The following CMTM8 variants were observed in gnomAD, a reference collection of about 807,000 sequenced individuals.
CMTM8 encodes CKLF like MARVEL transmembrane domain containing 8.
Under a neutral mutation model 18.6 loss-of-function variants are expected in CMTM8, and 12 were observed. The observed-to-expected ratio is 0.65, with a 90% CI of 0.41 to 1.05. CMTM8 has a LOEUF of 1.05. Among genes scored for constraint, CMTM8 ranks in the 50% least tolerant of loss-of-function variants. The probability of loss-of-function intolerance (pLI) is 0.00; values close to 1 mark genes in which losing one functional copy is unlikely to be tolerated. For missense variants in CMTM8, 217 were observed against 227.2 expected, an observed-to-expected ratio of 0.95 and a Z score of 0.29; for synonymous variants, 87 against 90.6, an observed-to-expected ratio of 0.96 and a Z score of 0.23.
chr3:32,298,438 C>CT (rs75095552), intron 1 of CMTM8, among the ~76,000 whole-genome samples: 6,530 of 139,026 alleles, frequency 0.047, 191 homozygotes, highest in African/African-American at 0.066. Flanking sequence ...ACATACCCCC[C>CT]TTTTTTTTTT....
At chr3:32,359,757 A>T (rs939477064) in intron 2 of CMTM8, among the ~76,000 whole-genome samples, 9 of 152,182 alleles carry the variant, frequency 5.9e-5, no homozygotes, top group Admixed American at 5.2e-4. Context: ...TTGGACTTTT[A>T]AAAAGAATAT....
intron 1 of CMTM8, among the ~76,000 whole-genome samples, chr3:32,247,336 G>A (rs1261926424): frequency 6.6e-6 from 1 of 151,940 alleles, no homozygotes; most frequent in Non-Finnish European, 1.5e-5. Context: ...CCCCTGAGAT[G>A]GAGTCTCACT....
intron 1 of CMTM8, among the ~76,000 whole-genome samples, chr3:32,290,270 A>G (rs1702757312): frequency 6.6e-6 from 1 of 152,210 alleles, no homozygotes; most frequent in South Asian, 2.1e-4. Context: ...CAAACAATAA[A>G]CAGTTTGCAA....
At chr3:32,261,366 G>A (rs569077190) in intron 1 of CMTM8, among the ~76,000 whole-genome samples, 170 of 152,088 alleles carry the variant, frequency 1.1e-3, no homozygotes, top group Non-Finnish European at 1.8e-3. Context: ...TCAATTATAG[G>A]AATTAAGACA....
At chr3:32,319,035 T>C (rs1695983373) in intron 1 of CMTM8, among the ~76,000 whole-genome samples, 2 of 134,988 alleles carry the variant, frequency 1.5e-5, no homozygotes, top group Admixed American at 7.9e-5. Context: ...AAATATTAAA[T>C]TTATATATAT....
chr3:32,367,467 G>A (rs943967197), intron 2 of CMTM8, among the ~76,000 whole-genome samples: 1 of 152,124 alleles, frequency 6.6e-6, no homozygotes, highest in Non-Finnish European at 1.5e-5. Context: ...GCGCCTCTAC[G>A]TCAGGGACAC....
intron 2 of CMTM8, among the ~76,000 whole-genome samples, chr3:32,366,146 G>A (rs1697028382): frequency 6.6e-6 from 1 of 152,190 alleles, no homozygotes; most frequent in Non-Finnish European, 1.5e-5. Flanking sequence ...TAGTGCCTGA[G>A]AGAGGCTTGT....
chr3:32,276,677 C>T (rs1306509705), intron 1 of CMTM8, among the ~76,000 whole-genome samples: 1 of 152,104 alleles, frequency 6.6e-6, no homozygotes, highest in Admixed American at 6.5e-5. Context: ...TTTCTTGTAA[C>T]CCGTGTCGTC....
intron 1 of CMTM8, among the ~76,000 whole-genome samples, chr3:32,257,439 C>T (rs1002753957): frequency 6.6e-6 from 1 of 152,184 alleles, no homozygotes; most frequent in Admixed American, 6.5e-5. Context: ...AGAGATTAAA[C>T]TGTCTTCAAT....
intron 1 of CMTM8, among the ~76,000 whole-genome samples, chr3:32,263,933 A>G (rs949845398): frequency 8.5e-5 from 13 of 152,248 alleles, no homozygotes; most frequent in African/African-American, 3.1e-4. Context: ...AAAGCCTCCA[A>G]GAAATATGGG....
intron 1 of CMTM8, among the ~76,000 whole-genome samples, chr3:32,305,189 G>A (rs1006200409): frequency 6.6e-6 from 1 of 150,882 alleles, no homozygotes; most frequent in Non-Finnish European, 1.5e-5. Context: ...CTCAGTCAGG[G>A]TGCAGTTTTT....
At chr3:32,244,630 A>C (rs77099800) in intron 1 of CMTM8, among the ~76,000 whole-genome samples, 1 of 152,154 alleles carries the variant, frequency 6.6e-6, no homozygotes, top group Non-Finnish European at 1.5e-5. Context: ...TATGCCGTGA[A>C]CATTTTTCAG....
chr3:32,294,307 G>C (rs1186841033), intron 1 of CMTM8, among the ~76,000 whole-genome samples: 1 of 151,954 alleles, frequency 6.6e-6, no homozygotes, highest in African/African-American at 2.4e-5. Context: ...TGTCAGGAAT[G>C]CTCTTCCATT....
chr3:32,307,505 G>A (rs542194373), intron 1 of CMTM8, among the ~76,000 whole-genome samples: 1 of 152,262 alleles, frequency 6.6e-6, no homozygotes, highest in African/African-American at 2.4e-5. Flanking sequence ...TCGGGGAGAT[G>A]ATAAGTAAGT....
At chr3:32,367,794 A>G (rs1697067137) in intron 2 of CMTM8, 78 bp from the exon 3 acceptor site, 2 of 940,526 alleles carry the variant, frequency 2.1e-6, no homozygotes, top group East Asian at 4.8e-5. Context: ...CCAGAGGTAC[A>G]GCCCTCATCA....
At chr3:32,257,800 G>C (rs1273876710) in intron 1 of CMTM8, among the ~76,000 whole-genome samples, 1 of 152,094 alleles carries the variant, frequency 6.6e-6, no homozygotes. Context: ...TAGTAGATGA[G>C]ATGACTGGAG....
intron 1 of CMTM8, 34 bp downstream of exon 1, chr3:32,239,153 T>G (rs376423345): frequency 6.4e-7 from 1 of 1,566,420 alleles, no homozygotes; most frequent in Non-Finnish European, 8.6e-7. Context: ...GGCGGGGGGC[T>G]CAGCTGGACC....
intron 1 of CMTM8, among the ~76,000 whole-genome samples, chr3:32,279,169 TTTTTTTTTTAA>T (rs1248708314): frequency 3.4e-5 from 4 of 119,178 alleles, no homozygotes. Context: ...AATTAGTGAT[TTTTTTTTTTAA>T]TTTTTTTTTT....
At chr3:32,322,633 G>A (rs1315239047) in intron 1 of CMTM8, among the ~76,000 whole-genome samples, 2 of 152,138 alleles carry the variant, frequency 1.3e-5, no homozygotes, top group Non-Finnish European at 2.9e-5. Flanking sequence ...TTCACTTACT[G>A]TGATATCCTC....
Sources: allele counts gnomAD v4.1 joint callset (sites outside exome capture counted in the v4.1 genomes callset), GRCh38; gene constraint gnomAD v4.1.1; transcripts MANE v1.5; gene names NCBI Gene and HGNC (gene_info 2026-07-23, HGNC 2026-07-21).